Variants in SYT1 observed in about 807,000 individuals in gnomAD.
The protein encoded by SYT1 is synaptotagmin 1, also known as synaptotagmin-1.
Under a neutral mutation model 44.8 loss-of-function variants are expected in SYT1, and 8 were observed. That is an observed-to-expected ratio of 0.18 (90% CI 0.10 to 0.32). The LOEUF is 0.32. SYT1 is among the 10% of genes least tolerant of loss of function. The probability of loss-of-function intolerance (pLI) is 1.00; values close to 1 mark genes in which losing one functional copy is unlikely to be tolerated. For synonymous variants in SYT1, 154 were observed against 188.8 expected (o/e 0.82, Z 1.51); for missense variants, 286 against 509.3 (o/e 0.56, Z 4.22).
rs140801795 is a variant in SYT1, at chr12:79,344,262, A to G, written c.811-9240A>G. Among the ~76,000 whole-genome samples, 4 of 152,242 alleles carry G rather than the reference A, an allele frequency of 2.6e-5. No individual in the cohort carries two copies. In the East Asian group the frequency reaches 7.7e-4, roughly 29 times the overall value. On this transcript the variant is annotated intron_variant, in intron 8 of 10. Transcript: ENST00000261205. Reference sequence around the variant, plus strand: ...TTCCACAGCACATACCTCACCAAACATGCCTTTTATTTTACTGTTATTTTG... The same window carrying G: ...TTCCACAGCACATACCTCACCAAACGTGCCTTTTATTTTACTGTTATTTTG...
intron 9 of SYT1, among the ~76,000 whole-genome samples, chr12:79,375,792 C>A (rs1182715586): frequency 6.6e-6 from 1 of 152,032 alleles, no homozygotes; most frequent in African/African-American, 2.4e-5. Flanking sequence ...GCCATGTCAT[C>A]ATCCATATAA....
intron 1 of SYT1, among the ~76,000 whole-genome samples, chr12:78,876,901 ATAT>A (rs1364174587): frequency 9.2e-6 from 1 of 108,740 alleles, no homozygotes; most frequent in African/African-American, 3.6e-5. Flanking sequence ...TATATATTAT[ATAT>A]TATATGTATT....
intron 4 of SYT1, among the ~76,000 whole-genome samples, chr12:79,284,318 T>C (rs553168432): frequency 4.3e-4 from 65 of 152,300 alleles, no homozygotes; most frequent in Non-Finnish European, 1.5e-4. Context: ...TTTATTTTAG[T>C]ATATTTATGT....
intron 1 of SYT1, among the ~76,000 whole-genome samples, chr12:78,908,760 G>A (rs748333013): frequency 2.0e-5 from 3 of 151,810 alleles, no homozygotes; most frequent in East Asian, 1.9e-4. Context: ...GGAAAGAGTC[G>A]GCAGAGTCCA....
chr12:79,041,501 T>C (rs1873570351), intron 2 of SYT1, among the ~76,000 whole-genome samples: 1 of 152,126 alleles, frequency 6.6e-6, no homozygotes, highest in South Asian at 2.1e-4. Flanking sequence ...CTGAAGTTGC[T>C]TATCAGCTTA....
intron 1 of SYT1, among the ~76,000 whole-genome samples, chr12:78,920,289 T>G (rs1325230338): frequency 6.6e-6 from 1 of 151,964 alleles, no homozygotes; most frequent in Admixed American, 6.6e-5. Context: ...ATAAGATGTT[T>G]TACAAGATAA....
intron 9 of SYT1, among the ~76,000 whole-genome samples, chr12:79,358,674 T>C (rs1280003972): frequency 6.6e-6 from 1 of 152,138 alleles, no homozygotes; most frequent in Admixed American, 6.6e-5. Context: ...CTTTCTAATA[T>C]AGCATTCAGC....
intron 1 of SYT1, among the ~76,000 whole-genome samples, chr12:78,931,050 T>C (rs1020127708): frequency 4.0e-5 from 6 of 150,634 alleles, no homozygotes; most frequent in African/African-American, 1.5e-4. Flanking sequence ...AAATCCCAGC[T>C]ACTTGGGAGG....
intron 4 of SYT1, among the ~76,000 whole-genome samples, chr12:79,256,773 G>A (rs918431776): frequency 6.6e-6 from 1 of 152,186 alleles, no homozygotes; most frequent in African/African-American, 2.4e-5. Context: ...ATCTACTCAA[G>A]TTAATTAATC....
intron 4 of SYT1, among the ~76,000 whole-genome samples, chr12:79,243,128 C>A (rs2138659909): frequency 6.6e-6 from 1 of 152,276 alleles, no homozygotes; most frequent in South Asian, 2.1e-4. Context: ...GAAAAACCAG[C>A]CCCCATGATT....
At chr12:78,881,437 C>T (rs938413232) in intron 1 of SYT1, among the ~76,000 whole-genome samples, 1 of 151,632 alleles carries the variant, frequency 6.6e-6, no homozygotes, top group Non-Finnish European at 1.5e-5. Flanking sequence ...TTTGAACTCG[C>T]TGGGTTTAAA....
Position 78,912,263 on chromosome 12 carries a change from T to C in SYT1, c.-217+47154T>C, listed in dbSNP as rs139728535. On this transcript the variant is annotated intron_variant, in intron 1 of 10. Coordinates refer to ENST00000261205, the MANE Select transcript of SYT1 (RefSeq NM_005639.3). ...TTAAGAAATGAATACCTAATGTTTA[T>C]TCCGTACTGTACAAGGCACTAGATG... Among the ~76,000 whole-genome samples, 439 of 152,022 alleles carry C rather than the reference T, an allele frequency of 2.9e-3. 5 individuals are homozygous for C. Among genetic ancestry groups the C allele is most frequent in the African/African-American group, 0.01 (418 of 41,526 alleles).
chr12:79,441,722 G>GT (rs1870432853), intron 9 of SYT1, among the ~76,000 whole-genome samples: 1 of 152,154 alleles, frequency 6.6e-6, no homozygotes, highest in Non-Finnish European at 1.5e-5. Context: ...CAGGTCCTAA[G>GT]TTAACGCTTT....
chr12:79,036,190 A>T (rs1343952090), intron 2 of SYT1, among the ~76,000 whole-genome samples: 1 of 151,812 alleles, frequency 6.6e-6, no homozygotes, highest in Non-Finnish European at 1.5e-5. Flanking sequence ...AGTTGTCAAG[A>T]CTAAATGAGC....
At chr12:79,223,218 G>A (rs1434787108) in intron 4 of SYT1, among the ~76,000 whole-genome samples, 1 of 152,134 alleles carries the variant, frequency 6.6e-6, no homozygotes, top group Admixed American at 6.5e-5. Flanking sequence ...GAAGAAATAG[G>A]CACTTACTTC....
intron 3 of SYT1, among the ~76,000 whole-genome samples, chr12:79,071,170 G>C (rs1435905835): frequency 6.6e-6 from 1 of 151,988 alleles, no homozygotes; most frequent in African/African-American, 2.4e-5. Flanking sequence ...TAGAATTCAG[G>C]GTGTGTGTTT....
chr12:79,208,478 A>G (rs1041539097), intron 3 of SYT1, among the ~76,000 whole-genome samples: 2 of 152,208 alleles, frequency 1.3e-5, no homozygotes, highest in African/African-American at 2.4e-5. Flanking sequence ...AAGAAAGAAA[A>G]GAAAAAGTTA....
rs553344384 is a variant in SYT1, at chr12:79,143,908, T to C, written c.-17-73595T>C. On this transcript the variant is annotated intron_variant, in intron 3 of 10. Transcript: ENST00000261205. ...AAGAAGTATGAATTCAGGTTGTAAA[T>C]TGTTAACATATTGCCAGAAAACAAA... is the stretch of plus-strand genomic sequence containing the variant. 2.3e-3 allele frequency among the ~76,000 whole-genome samples: 349 copies of C among 152,298 alleles called. 3 individuals carry two copies. Among genetic ancestry groups the C allele is most frequent in the African/African-American group, 7.7e-3 (319 of 41,556 alleles).
intron 2 of SYT1, among the ~76,000 whole-genome samples, chr12:79,013,897 G>A (rs890427248): frequency 6.6e-6 from 1 of 152,014 alleles, no homozygotes; most frequent in Non-Finnish European, 1.5e-5. Flanking sequence ...GGAGGCCAAG[G>A]CGGGCAGATA....
Sources: gnomAD v4.1 joint callset for allele counts (sites outside exome capture counted in the v4.1 genomes callset) on GRCh38, gnomAD v4.1.1 for gene constraint, MANE v1.5 for transcripts, NCBI Gene and HGNC (gene_info 2026-07-23, HGNC 2026-07-21) for gene names.